Variants in RNF111 observed in about 807,000 individuals in gnomAD.
RNF111 encodes the protein E3 ubiquitin-protein ligase Arkadia.
In RNF111, 17 loss-of-function variants were observed where a neutral mutation model predicts 95.1. The observed-to-expected ratio is 0.18, with a 90% CI of 0.12 to 0.27. The LOEUF (loss-of-function observed/expected upper bound fraction) is 0.27, where lower values mean the gene tolerates loss of function less well. RNF111 is among the 10% of genes least tolerant of loss of function. The pLI, the probability that RNF111 is intolerant of heterozygous loss-of-function variation, is 1.00. For missense variants in RNF111, 1,189 were observed against 1,210.4 expected, an observed-to-expected ratio of 0.98 and a Z score of 0.26; for synonymous variants, 440 against 414.8, an observed-to-expected ratio of 1.06 and a Z score of -0.74.
chr15:59,056,502 A>G (rs1198817203), intron 4 of RNF111, among the ~76,000 whole-genome samples: 1 of 152,210 alleles, frequency 6.6e-6, no homozygotes, highest in African/African-American at 2.4e-5. Flanking sequence ...TAATTTCCCA[A>G]AAGGAAAATG....
intron 2 of RNF111, among the ~76,000 whole-genome samples, chr15:59,043,445 C>A (rs1315365260): frequency 6.6e-6 from 1 of 152,200 alleles, no homozygotes; most frequent in African/African-American, 2.4e-5. Flanking sequence ...GTGTGAGCCA[C>A]TGCAACTGGC....
rs60350601 is a variant in RNF111 at position 58,996,649 on chromosome 15, C to CTTTTTTTT, written c.-20+8603_-20+8610dup. 1.8e-3 allele frequency among the ~76,000 whole-genome samples: 183 copies of CTTTTTTTT among 100,748 alleles called. 10 individuals carry two copies. The highest frequency in any genetic ancestry group is 5.4e-3 in the African/African-American group (138 of 25,632). The allele number at this position is 100,748 out of a possible 152,430, so 66.1% of individuals were successfully genotyped here. A position where few individuals can be genotyped will look rare whatever the true frequency, so the allele number is the denominator to read the frequency against. On this transcript the variant is annotated intron_variant, in intron 1 of 13. Transcript: ENST00000348370. ...GTGATTGAAAACTCATCAGTACTTTCTTTTTTTTTTTTTTTTTTTTTTTTT... is the reference window on the plus strand; with the variant it reads ...GTGATTGAAAACTCATCAGTACTTTCTTTTTTTTTTTTTTTTTTTTTTTTTTTTTTTTT...
intron 1 of RNF111, among the ~76,000 whole-genome samples, chr15:59,008,103 GT>G (rs1157244819): frequency 6.6e-6 from 1 of 152,128 alleles, no homozygotes; most frequent in African/African-American, 2.4e-5. Flanking sequence ...TTTCTGCTGT[GT>G]TTTTTCTAGA....
intron 2 of RNF111, among the ~76,000 whole-genome samples, chr15:59,039,541 C>G (rs1378794470): frequency 1.3e-5 from 2 of 152,066 alleles, no homozygotes; most frequent in Non-Finnish European, 2.9e-5. Context: ...TCTTTTTATA[C>G]TTTTTTAAAT....
intron 6 of RNF111, among the ~76,000 whole-genome samples, chr15:59,075,066 T>C (rs774226912): frequency 6.6e-6 from 1 of 152,194 alleles, no homozygotes; most frequent in Non-Finnish European, 1.5e-5. Context: ...AAAGCAATTA[T>C]AATAGTAACA....
chr15:59,093,960 G>A (rs1158724338), intron 13 of RNF111, among the ~76,000 whole-genome samples: 4 of 152,126 alleles, frequency 2.6e-5, no homozygotes, highest in Non-Finnish European at 5.9e-5. Context: ...AAGATATTAG[G>A]AAGTCTGAAA....
At chr15:59,016,096 AAGAGTGCT>A (rs1293872415) in intron 1 of RNF111, among the ~76,000 whole-genome samples, 22 of 151,888 alleles carry the variant, frequency 1.4e-4, no homozygotes, top group African/African-American at 5.1e-4. Flanking sequence ...CTTGGCCTCC[AAGAGTGCT>A]AGGATTACAG....
At chr15:59,020,865 A>G (rs2040304751) in intron 1 of RNF111, among the ~76,000 whole-genome samples, 1 of 152,180 alleles carries the variant, frequency 6.6e-6, no homozygotes, top group Admixed American at 6.5e-5. Flanking sequence ...TCTATACTTC[A>G]AACTTTTGTG....
At chr15:59,053,120 C>G (rs1428948544) in intron 3 of RNF111, among the ~76,000 whole-genome samples, 2 of 152,008 alleles carry the variant, frequency 1.3e-5, no homozygotes, top group Non-Finnish European at 2.9e-5. Context: ...TTAGGGCACC[C>G]TAATTCAAAA....
intron 10 of RNF111, among the ~76,000 whole-genome samples, chr15:59,086,098 T>C (rs1285182105): frequency 1.3e-5 from 2 of 152,080 alleles, no homozygotes; most frequent in Non-Finnish European, 2.9e-5. Context: ...ATAGATCCGT[T>C]CTGATGCAGT....
chr15:58,990,547 A>G (rs1396212541), intron 1 of RNF111, among the ~76,000 whole-genome samples: 1 of 152,188 alleles, frequency 6.6e-6, no homozygotes, highest in East Asian at 1.9e-4. Flanking sequence ...CTGCCTGGGA[A>G]GCTGAGGCAG....
chr15:58,995,197 T>C (rs963955979), intron 1 of RNF111, among the ~76,000 whole-genome samples: 22 of 152,218 alleles, frequency 1.4e-4, no homozygotes, highest in African/African-American at 5.1e-4. Flanking sequence ...CCATTGATGT[T>C]TCTTGCCTAT....
At chr15:59,094,597 G>A (rs1449204666) in intron 13 of RNF111, among the ~76,000 whole-genome samples, 186 bp from the exon 14 acceptor site, 3 of 152,104 alleles carry the variant, frequency 2.0e-5, no homozygotes, top group Non-Finnish European at 4.4e-5. Flanking sequence ...AGCTTTGAAA[G>A]TTAATTATCT....
intron 7 of RNF111, among the ~76,000 whole-genome samples, chr15:59,078,562 A>C (rs1399985780): frequency 1.3e-5 from 2 of 150,878 alleles, no homozygotes; most frequent in Admixed American, 1.3e-4. Context: ...TAAAAAAAAA[A>C]AAAAAAAAAA....
intron 2 of RNF111, among the ~76,000 whole-genome samples, chr15:59,046,885 AGACACAGGGTCTCACTCTGTT>A (rs1302749181): frequency 1.3e-5 from 2 of 152,098 alleles, no homozygotes; most frequent in Admixed American, 1.3e-4. Context: ...TATTATTTTG[AGACACAGGGTCTCACTCTGTT>A]GTCCAGGCTG....
At chr15:59,079,160 G>A (rs942265183) in intron 7 of RNF111, among the ~76,000 whole-genome samples, 1 of 152,202 alleles carries the variant, frequency 6.6e-6, no homozygotes, top group Non-Finnish European at 1.5e-5. Flanking sequence ...TGTCTAAAGA[G>A]TAGTTAAATA....
chr15:59,067,611 T>C (rs2142086154), intron 6 of RNF111, among the ~76,000 whole-genome samples: 1 of 152,314 alleles, frequency 6.6e-6, no homozygotes, highest in East Asian at 1.9e-4. Flanking sequence ...TTACAACTAA[T>C]TGAATGGACC....
intron 1 of RNF111, among the ~76,000 whole-genome samples, chr15:58,995,401 T>C (rs1227808979): frequency 6.6e-6 from 1 of 152,120 alleles, no homozygotes; most frequent in Non-Finnish European, 1.5e-5. Flanking sequence ...GTTCAAATTG[T>C]CCCAGATTTG....
intron 5 of RNF111, among the ~76,000 whole-genome samples, chr15:59,062,557 A>G (rs1235314657): frequency 6.6e-6 from 1 of 152,230 alleles, no homozygotes; most frequent in Non-Finnish European, 1.5e-5. Flanking sequence ...GGCAGTGGGA[A>G]CAAAACAGAT....
Sources: gnomAD v4.1 joint callset for allele counts (sites outside exome capture counted in the v4.1 genomes callset) on GRCh38, gnomAD v4.1.1 for gene constraint, MANE v1.5 for transcripts, NCBI Gene and HGNC (gene_info 2026-07-23, HGNC 2026-07-21) for gene names.